CRTAC1: variants seen among roughly 807,000 people sequenced by gnomAD.
CRTAC1 encodes the protein cartilage acidic protein 1.
In CRTAC1, 37 loss-of-function variants were observed where a neutral mutation model predicts 67.8. That is an observed-to-expected ratio of 0.55 (90% CI 0.42 to 0.72). The LOEUF is 0.72. Among genes scored for constraint, CRTAC1 ranks in the 30% least tolerant of loss-of-function variants. The pLI is 0.00. For synonymous variants in CRTAC1, 348 were observed against 371.0 expected (o/e 0.94, Z 0.71); for missense variants, 780 against 931.6 (o/e 0.84, Z 2.12).
chr10:98,004,548 C>T (rs545335359), intron 2 of CRTAC1, among the ~76,000 whole-genome samples: 1 of 152,274 alleles, frequency 6.6e-6, no homozygotes, highest in East Asian at 1.9e-4. Context: ...ATCCCTGACC[C>T]TGCAGTTCCA....
chr10:98,017,038 T>C (rs1310360675), intron 1 of CRTAC1, among the ~76,000 whole-genome samples: 1 of 152,088 alleles, frequency 6.6e-6, no homozygotes, highest in Non-Finnish European at 1.5e-5. Flanking sequence ...GGGAGAATGG[T>C]AGAAAGGTTA....
chr10:97,950,272 G>GAGAGAGAGAGAGAGAGAT (rs1564908762), intron 2 of CRTAC1, among the ~76,000 whole-genome samples: 11 of 151,782 alleles, frequency 7.2e-5, no homozygotes, highest in South Asian at 2.1e-4. Flanking sequence ...GAGAGAGAGA[G>GAGAGAGAGAGAGAGAGAT]AGAGAGAGAG....
At chr10:97,907,270 C>T (rs1228265255) in intron 6 of CRTAC1, among the ~76,000 whole-genome samples, 1 of 152,146 alleles carries the variant, frequency 6.6e-6, no homozygotes, top group Non-Finnish European at 1.5e-5. Flanking sequence ...CCAGTTTCTG[C>T]TAGGTGGCAC....
chr10:97,916,942 G>C (rs545558420), intron 5 of CRTAC1, among the ~76,000 whole-genome samples: 100 of 150,194 alleles, frequency 6.7e-4, no homozygotes, highest in Non-Finnish European at 1.2e-3. Context: ...GAAAGATGAG[G>C]GGAGAGCGTG....
rs1157881667 is a variant in CRTAC1 at position 97,895,987 on chromosome 10, T to C, written c.1217-2A>G. On this transcript the variant is annotated splice_acceptor_variant, in intron 9 of 14. Coordinates refer to ENST00000370597, the MANE Select transcript of CRTAC1 (RefSeq NM_018058.7). LOFTEE classifies it high-confidence loss of function. The surrounding 1 kb of genome is among the most constrained non-coding windows in gnomAD (Gnocchi z 4.2). The stretch of plus-strand genomic sequence containing the variant: ...CGTCGAAGTCGGTCACCACACCCCC[T>C]ACAAACAATGCAGATTTCACCTCTG... 6.2e-7 allele frequency: 1 copy of C among 1,613,194 alleles called. No homozygotes were observed. Among genetic ancestry groups the C allele is most frequent in the Non-Finnish European group, 8.5e-7 (1 of 1,179,342 alleles).
At chr10:97,910,120 A>C (rs559687402) in intron 5 of CRTAC1, among the ~76,000 whole-genome samples, 1 of 152,378 alleles carries the variant, frequency 6.6e-6, no homozygotes, top group Non-Finnish European at 1.5e-5. Flanking sequence ...AATAAGTTCA[A>C]GAGATCCATT....
At chr10:97,991,644 G>T (rs1441287737) in intron 2 of CRTAC1, among the ~76,000 whole-genome samples, 2 of 152,008 alleles carry the variant, frequency 1.3e-5, no homozygotes, top group Non-Finnish European at 2.9e-5. Context: ...AATTTACATG[G>T]CTTATCTCAT....
chr10:97,916,236 A>G (rs1014571895), intron 5 of CRTAC1, among the ~76,000 whole-genome samples: 3 of 151,942 alleles, frequency 2.0e-5, no homozygotes, highest in Non-Finnish European at 4.4e-5. Context: ...AACTATGCAG[A>G]AAAAATTGAC....
chr10:97,907,707 T>A (rs973812406), intron 6 of CRTAC1, among the ~76,000 whole-genome samples: 2 of 151,938 alleles, frequency 1.3e-5, no homozygotes, highest in African/African-American at 4.8e-5. Flanking sequence ...GCTTGGAGGA[T>A]AGGTTGATGC....
At chr10:98,009,689 C>T (rs746940364) in intron 2 of CRTAC1, among the ~76,000 whole-genome samples, 5 of 152,134 alleles carry the variant, frequency 3.3e-5, no homozygotes, top group Non-Finnish European at 4.4e-5. Context: ...TAATGTTACC[C>T]GCCAGTTACT....
At position 97,882,767 on chromosome 10, in the gene CRTAC1, G is replaced by A. The variant is rs1201651132; in HGVS notation, c.1675+19C>T. 1 of 1,613,858 alleles carries A rather than the reference G, an allele frequency of 6.2e-7. No homozygotes were observed. Among genetic ancestry groups the A allele is most frequent in the Non-Finnish European group, 8.5e-7 (1 of 1,179,776 alleles). Reference sequence around the variant, plus strand: ...ATTCCGGCCTCTACCCCATGCCCTGGTGACTGAAGGCAACTCACCCATGCA... The same window carrying A: ...ATTCCGGCCTCTACCCCATGCCCTGATGACTGAAGGCAACTCACCCATGCA... On this transcript the variant is annotated intron_variant, in intron 13 of 14. Transcript: ENST00000370597.
At chr10:97,896,518 GACA>G (rs1426939282) in intron 9 of CRTAC1, among the ~76,000 whole-genome samples, 1 of 152,154 alleles carries the variant, frequency 6.6e-6, no homozygotes, top group African/African-American at 2.4e-5. Flanking sequence ...TGCTCTGTCT[GACA>G]ACAAGCTGAG....
chr10:98,018,065 A>G (rs1353235678), intron 1 of CRTAC1, among the ~76,000 whole-genome samples: 3 of 151,454 alleles, frequency 2.0e-5, no homozygotes, highest in African/African-American at 7.3e-5. Flanking sequence ...TGGGTGTGGT[A>G]AGGGGCACCG....
chr10:97,882,960 G>A (rs1300914853), intron 12 of CRTAC1, 132 bp from the exon 13 acceptor site: 2 of 900,734 alleles, frequency 2.2e-6, no homozygotes, highest in African/African-American at 1.6e-5. Context: ...CTGGGCCTGG[G>A]GGGAGCCCCC....
At chr10:97,946,373 C>T (rs922354726) in intron 2 of CRTAC1, among the ~76,000 whole-genome samples, 7 of 152,222 alleles carry the variant, frequency 4.6e-5, no homozygotes, top group Admixed American at 2.0e-4. Flanking sequence ...GGACCTCATT[C>T]TCTCACATGA....
At chr10:98,006,545 T>C (rs894062471) in intron 2 of CRTAC1, among the ~76,000 whole-genome samples, 1 of 152,028 alleles carries the variant, frequency 6.6e-6, no homozygotes, top group African/African-American at 2.4e-5. Context: ...AACTCAAGAA[T>C]CTGAAACACA....
intron 12 of CRTAC1, 109 bp from the exon 13 acceptor site, chr10:97,882,937 C>T: frequency 8.9e-7 from 1 of 1,125,914 alleles, no homozygotes; most frequent in Admixed American, 1.9e-5. Context: ...CAGTGTGAGG[C>T]ATGCTCTGAG....
At chr10:97,950,713 G>C (rs2051341659) in intron 2 of CRTAC1, among the ~76,000 whole-genome samples, 1 of 152,206 alleles carries the variant, frequency 6.6e-6, no homozygotes, top group Non-Finnish European at 1.5e-5. Flanking sequence ...AAAACAGAAA[G>C]GCCATTTTCA....
At chr10:97,889,643 G>A (rs571287215) in intron 11 of CRTAC1, among the ~76,000 whole-genome samples, 16 of 152,248 alleles carry the variant, frequency 1.1e-4, no homozygotes, top group South Asian at 1.0e-3. Flanking sequence ...GAGCAGACAC[G>A]ATGTACATGG....
Sources: allele counts gnomAD v4.1 joint callset (sites outside exome capture counted in the v4.1 genomes callset), GRCh38; gene constraint gnomAD v4.1.1; non-coding constraint Gnocchi (gnomAD v3.1); transcripts MANE v1.5; gene names NCBI Gene and HGNC (gene_info 2026-07-23, HGNC 2026-07-21).